The following PDSS2 variants were observed in gnomAD, a reference collection of about 807,000 sequenced individuals.
PDSS2 encodes the protein decaprenyl diphosphate synthase subunit 2.
A neutral mutation model predicts 44.5 loss-of-function variants in PDSS2; 31 were observed. The ratio of observed to expected loss-of-function variants is 0.70; its 90% CI spans 0.52 to 0.94. The LOEUF is 0.94. Ranked by LOEUF, PDSS2 falls within the 40% of genes least tolerant of loss-of-function variation. PDSS2 has a pLI of 0.00. For synonymous variants in PDSS2, 157 were observed against 180.3 expected (o/e 0.87, Z 1.03); for missense variants, 452 against 482.2 (o/e 0.94, Z 0.59).
intron 7 of PDSS2, among the ~76,000 whole-genome samples, chr6:107,157,237 C>T (rs949965267): frequency 4.0e-5 from 6 of 151,496 alleles, no homozygotes; most frequent in Admixed American, 6.6e-5. Context: ...CAGGCTGGAG[C>T]GCAGTGGTGT....
At chr6:107,180,139 A>T (rs1157957365) in intron 7 of PDSS2, among the ~76,000 whole-genome samples, 2 of 152,224 alleles carry the variant, frequency 1.3e-5, no homozygotes, top group African/African-American at 4.8e-5. Flanking sequence ...ACTTTAAAAC[A>T]GTTTTAATGG....
At chr6:107,343,934 T>C (rs1778158238) in intron 1 of PDSS2, among the ~76,000 whole-genome samples, 1 of 152,162 alleles carries the variant, frequency 6.6e-6, no homozygotes, top group Non-Finnish European at 1.5e-5. Flanking sequence ...TTTCTTAAGT[T>C]GCACACAAGA....
intron 1 of PDSS2, among the ~76,000 whole-genome samples, chr6:107,381,624 C>G (rs975440757): frequency 6.6e-6 from 1 of 152,160 alleles, no homozygotes; most frequent in Non-Finnish European, 1.5e-5. Flanking sequence ...ATTAGATATG[C>G]TGTGATCCAG....
intron 1 of PDSS2, among the ~76,000 whole-genome samples, chr6:107,401,809 C>T (rs958678043): frequency 6.6e-6 from 1 of 151,932 alleles, no homozygotes; most frequent in African/African-American, 2.4e-5. Context: ...AACTTGCAGA[C>T]AGGCCTTTTG....
At chr6:107,211,691 C>A (rs1773219774) in intron 5 of PDSS2, among the ~76,000 whole-genome samples, 1 of 146,258 alleles carries the variant, frequency 6.8e-6, no homozygotes, top group Admixed American at 7.0e-5. Context: ...GCTGAGATTG[C>A]ACCACTGCAC....
chr6:107,352,363 G>T (rs1778458223), intron 1 of PDSS2, among the ~76,000 whole-genome samples: 1 of 152,142 alleles, frequency 6.6e-6, no homozygotes, highest in African/African-American at 2.4e-5. Context: ...AAAGAATATG[G>T]ACTTCCTCCC....
intron 1 of PDSS2, among the ~76,000 whole-genome samples, chr6:107,388,589 G>GCT (rs1779684632): frequency 1.3e-5 from 2 of 151,970 alleles, no homozygotes; most frequent in Non-Finnish European, 2.9e-5. Context: ...TACAGGAGTA[G>GCT]GTGGGACTAC....
chr6:107,386,254 C>A (rs1225377162), intron 1 of PDSS2, among the ~76,000 whole-genome samples: 1 of 151,390 alleles, frequency 6.6e-6, no homozygotes, highest in Non-Finnish European at 1.5e-5. Flanking sequence ...ATACAGGAAT[C>A]AAAATAATTT....
rs1775889623 is a variant in PDSS2 at position 107,279,399 on chromosome 6, T to G, written c.432-5172A>C. Among the ~76,000 whole-genome samples the G allele has an allele frequency of 2.0e-5, 3 of 152,194 alleles. No homozygotes were observed. In the South Asian group the frequency reaches 6.2e-4, roughly 31 times the overall value. ...GGAATGTTGCTAGGAAAAAAGTATA[T>G]TAAGAACAGGCTTAATTCTTTTTGT... On this transcript the variant is annotated intron_variant, in intron 2 of 7. Coordinates refer to ENST00000369037, the MANE Select transcript of PDSS2 (RefSeq NM_020381.4).
Position 107,416,962 on chromosome 6 carries a change from C to T in PDSS2, c.296+42028G>A, listed in dbSNP as rs940930915. 2.0e-5 allele frequency among the ~76,000 whole-genome samples: 3 copies of T among 151,846 alleles called. No individual in the cohort carries two copies. In the South Asian group the frequency reaches 6.2e-4, roughly 31 times the overall value. On this transcript the variant is annotated intron_variant, in intron 1 of 7. Transcript: ENST00000369037. ...GCACTTATCTGGGCGGGTGCAGTGACTCACACCTGTATTCCTAGCACTTTG... is the reference window on the plus strand; with the variant it reads ...GCACTTATCTGGGCGGGTGCAGTGATTCACACCTGTATTCCTAGCACTTTG...
At chr6:107,322,597 C>T (rs553857991) in intron 2 of PDSS2, among the ~76,000 whole-genome samples, 1 of 152,194 alleles carries the variant, frequency 6.6e-6, no homozygotes, top group African/African-American at 2.4e-5. Flanking sequence ...GTAATCCCAG[C>T]ACTTTGGAGA....
At chr6:107,413,844 A>C (rs980647091) in intron 1 of PDSS2, among the ~76,000 whole-genome samples, 3 of 152,154 alleles carry the variant, frequency 2.0e-5, no homozygotes, top group Middle Eastern at 3.2e-3. Flanking sequence ...TGGATTGAAA[A>C]GAGGATAGGT....
At chr6:107,211,239 T>C (rs1384372936) in intron 5 of PDSS2, among the ~76,000 whole-genome samples, 6 of 151,620 alleles carry the variant, frequency 4.0e-5, no homozygotes, top group African/African-American at 7.3e-5. Flanking sequence ...TATGAACTAT[T>C]TAAGTAACAT....
chr6:107,368,632 T>C (rs547277334), intron 1 of PDSS2, among the ~76,000 whole-genome samples: 9 of 152,080 alleles, frequency 5.9e-5, no homozygotes, highest in Admixed American at 2.0e-4. Context: ...GGCGGGAGGA[T>C]TGTTTGAGCT....
intron 2 of PDSS2, among the ~76,000 whole-genome samples, chr6:107,277,556 G>T (rs1476429130): frequency 2.0e-5 from 3 of 152,130 alleles, no homozygotes; most frequent in Admixed American, 2.0e-4. Context: ...AGTATGTAGG[G>T]AAAGTAGGGA....
At chr6:107,291,986 C>A (rs55983510) in intron 2 of PDSS2, among the ~76,000 whole-genome samples, 27,794 of 152,140 alleles carry the variant, frequency 0.18, 2,756 homozygotes, top group African/African-American at 0.22. Context: ...AGCACACACA[C>A]TAAGCAATTG....
intron 4 of PDSS2, among the ~76,000 whole-genome samples, chr6:107,217,617 T>C (rs1773456894): frequency 1.3e-5 from 2 of 151,892 alleles, no homozygotes; most frequent in Admixed American, 1.3e-4. Flanking sequence ...GCCTCTCAAA[T>C]ATGGCTGGTG....
chr6:107,272,070 TA>T (rs940653376), intron 3 of PDSS2, among the ~76,000 whole-genome samples: 6 of 107,902 alleles, frequency 5.6e-5, no homozygotes, highest in Admixed American at 9.2e-5. Flanking sequence ...AAAGAAACAT[TA>T]AAAAAAAAGA....
intron 1 of PDSS2, among the ~76,000 whole-genome samples, chr6:107,419,602 G>A (rs1780763732): frequency 6.6e-6 from 1 of 152,150 alleles, no homozygotes; most frequent in African/African-American, 2.4e-5. Flanking sequence ...CTAGCCAAGA[G>A]AAATAATCCA....
Sources: allele counts gnomAD v4.1 joint callset (sites outside exome capture counted in the v4.1 genomes callset), GRCh38; gene constraint gnomAD v4.1.1; transcripts MANE v1.5; gene names NCBI Gene and HGNC (gene_info 2026-07-23, HGNC 2026-07-21).